The following RHBDD1 variants were observed in gnomAD, a reference collection of about 807,000 sequenced individuals.
The protein encoded by RHBDD1 is rhomboid-related protein 4.
RHBDD1 carries 38 observed loss-of-function variants against 36.3 expected under a neutral mutation model. The ratio of observed to expected loss-of-function variants is 1.05; its 90% CI spans 0.81 to 1.37. The LOEUF (loss-of-function observed/expected upper bound fraction) is 1.37. Among genes scored for constraint, RHBDD1 ranks in the 40% most tolerant of loss-of-function variants. RHBDD1 has a pLI of 0.00. For missense variants in RHBDD1, 393 were observed against 377.6 expected (o/e 1.04, Z -0.34); for synonymous variants, 151 against 136.5 (o/e 1.11, Z -0.74).
At chr2:226,841,142 AT>A (rs1207083378) in intron 3 of RHBDD1, among the ~76,000 whole-genome samples, 1 of 151,040 alleles carries the variant, frequency 6.6e-6, no homozygotes, top group African/African-American at 2.4e-5. Flanking sequence ...TCATTTATTT[AT>A]TTTTTTTGAG....
intron 8 of RHBDD1, among the ~76,000 whole-genome samples, chr2:226,962,584 G>A (rs1012896567): frequency 2.0e-5 from 3 of 152,162 alleles, no homozygotes; most frequent in African/African-American, 7.2e-5. Flanking sequence ...ATTTACTTCT[G>A]GCAAGAGGAT....
chr2:226,816,346 C>T, the RHBDD1 span, among the ~76,000 whole-genome samples: 1 of 99,910 alleles, frequency 1.0e-5, no homozygotes. Flanking sequence ...AACCTGGTTG[C>T]ATTAACAAGA....
rs869309466 is a variant in RHBDD1 at position 226,911,541 on chromosome 2, CTTTTTTTTTTTTT to C, written c.713-2657_713-2645del. On this transcript the variant is annotated intron_variant, in intron 7 of 8. Transcript: ENST00000392062. Reference sequence around the variant, plus strand: ...TACCATTTGTCCTCATGTGAAAGTTCTTTTTTTTTTTTTTTTTTTTTTAATAAGGAATGAAAAG... The same window carrying C: ...TACCATTTGTCCTCATGTGAAAGTTCTTTTTTTTTAATAAGGAATGAAAAG... Among the ~76,000 whole-genome samples, 109 of 71,432 alleles carry C rather than the reference CTTTTTTTTTTTTT, an allele frequency of 1.5e-3. 1 individual carries two copies. Among genetic ancestry groups the C allele is most frequent in the African/African-American group, 4.6e-3 (103 of 22,332 alleles). 46.9% of individuals were successfully genotyped at this position (71,432 alleles called of 152,430 possible). A position where few individuals can be genotyped will look rare whatever the true frequency, so the allele number is the denominator to read the frequency against.
intron 5 of RHBDD1, among the ~76,000 whole-genome samples, chr2:226,885,285 T>C (rs1170055671): frequency 6.6e-6 from 1 of 152,178 alleles, no homozygotes; most frequent in Non-Finnish European, 1.5e-5. Flanking sequence ...TATCAAGATT[T>C]GTAAAAAGGT....
At chr2:226,850,495 C>T (rs1452825676) in intron 3 of RHBDD1, among the ~76,000 whole-genome samples, 1 of 151,930 alleles carries the variant, frequency 6.6e-6, no homozygotes, top group East Asian at 1.9e-4. Flanking sequence ...AGAATGACCC[C>T]AGTTAATCTG....
intron 5 of RHBDD1, among the ~76,000 whole-genome samples, chr2:226,892,844 A>G (rs1057440895): frequency 6.6e-6 from 1 of 152,212 alleles, no homozygotes; most frequent in Non-Finnish European, 1.5e-5. Context: ...ATCACTAAAC[A>G]GAAAAAAAAA....
intron 4 of RHBDD1, among the ~76,000 whole-genome samples, chr2:226,866,490 C>T (rs1944354817): frequency 6.6e-6 from 1 of 152,154 alleles, no homozygotes; most frequent in African/African-American, 2.4e-5. Context: ...GTTACTAGCA[C>T]AAGGTTACCC....
At chr2:226,911,638 G>T (rs1329361323) in intron 7 of RHBDD1, among the ~76,000 whole-genome samples, 1 of 150,692 alleles carries the variant, frequency 6.6e-6, no homozygotes, top group East Asian at 1.9e-4. Context: ...AAACTGGCTG[G>T]TTGGGTGTTC....
At chr2:226,931,839 A>G (rs1950049520) in intron 8 of RHBDD1, among the ~76,000 whole-genome samples, 1 of 151,452 alleles carries the variant, frequency 6.6e-6, no homozygotes, top group African/African-American at 2.4e-5. Context: ...GCCTTTCTGC[A>G]TGAATTTCAG....
At chr2:226,877,783 GT>G (rs1444621404) in intron 5 of RHBDD1, among the ~76,000 whole-genome samples, 1 of 152,032 alleles carries the variant, frequency 6.6e-6, no homozygotes, top group Admixed American at 6.6e-5. Flanking sequence ...TAATCTTGGT[GT>G]TTAATAAAAT....
chr2:226,867,723 A>ATTC, intron 5 of RHBDD1: 2 of 896,248 alleles, frequency 2.2e-6, no homozygotes, highest in Non-Finnish European at 2.7e-6. Context: ...TATTATTATT[A>ATTC]TTCTTTTTTT....
chr2:226,912,660 G>T (rs1001361258), intron 7 of RHBDD1, among the ~76,000 whole-genome samples: 2 of 152,132 alleles, frequency 1.3e-5, no homozygotes, highest in African/African-American at 4.8e-5. Context: ...GGCATATTCT[G>T]TAGAGACAGA....
intron 8 of RHBDD1, among the ~76,000 whole-genome samples, chr2:226,924,795 T>C (rs1288703516): frequency 6.6e-6 from 1 of 152,178 alleles, no homozygotes; most frequent in Non-Finnish European, 1.5e-5. Context: ...AGTGCTGAGT[T>C]CCAATGGGAT....
chr2:226,989,561 A>G (rs1042486979), intron 8 of RHBDD1, among the ~76,000 whole-genome samples: 8 of 152,228 alleles, frequency 5.3e-5, no homozygotes, highest in Admixed American at 4.6e-4. Context: ...CAGAGTGAGC[A>G]TGTAGCAATT....
intron 3 of RHBDD1, among the ~76,000 whole-genome samples, chr2:226,852,640 G>T (rs940746221): frequency 1.3e-5 from 2 of 152,094 alleles, no homozygotes; most frequent in South Asian, 4.2e-4. Context: ...TCTGTTGTTT[G>T]TAATCATCCT....
chr2:226,914,281 C>A lies in RHBDD1; in HGVS notation c.786C>A (p.Asp262Glu). ...ATGAAGAAGCACCCAGGAACTATGA[C>A]ACGTACACAGCAGGACTGAGTGAAG... ...DHYEEAPRNY[D>E]TYTAGLSEEE... Residue 262 changes from aspartate to glutamate, a missense_variant, in exon 8 of 9, where the codon GAC becomes GAA. Physicochemically the swap from Asp to Glu is conservative, Grantham distance 45 (BLOSUM62 2). Transcript: ENST00000392062. The A allele has an allele frequency of 6.2e-7, 1 of 1,613,820 alleles. No homozygotes were observed. Among genetic ancestry groups the A allele is most frequent in the Non-Finnish European group, 8.5e-7 (1 of 1,179,806 alleles).
intron 8 of RHBDD1, among the ~76,000 whole-genome samples, chr2:226,967,223 A>G (rs929486533): frequency 6.6e-6 from 1 of 152,106 alleles, no homozygotes; most frequent in African/African-American, 2.4e-5. Context: ...TCCCAAGTGT[A>G]CCCTCCATAC....
At chr2:226,928,381 A>G (rs1365582214) in intron 8 of RHBDD1, among the ~76,000 whole-genome samples, 2 of 152,096 alleles carry the variant, frequency 1.3e-5, no homozygotes, top group Non-Finnish European at 2.9e-5. Context: ...ATGGAAATTA[A>G]GCAAATCTGC....
intron 8 of RHBDD1, among the ~76,000 whole-genome samples, chr2:226,948,563 A>T (rs184735888): frequency 0.023 from 2,003 of 87,428 alleles, 60 homozygotes; most frequent in African/African-American, 0.093. Context: ...AACTTAAAGT[A>T]TAAAAAAAAA....
Sources: gnomAD v4.1 joint callset for allele counts (sites outside exome capture counted in the v4.1 genomes callset) on GRCh38, gnomAD v4.1.1 for gene constraint, MANE v1.5 for transcripts, NCBI Gene and HGNC (gene_info 2026-07-23, HGNC 2026-07-21) for gene names.